LSAMP: variants seen among roughly 807,000 people sequenced by gnomAD.
LSAMP encodes limbic system-associated membrane protein.
In LSAMP, 7 loss-of-function variants were observed where a neutral mutation model predicts 38.6. That is an observed-to-expected ratio of 0.18 (90% CI 0.10 to 0.34). LSAMP has a LOEUF of 0.34. Among genes scored for constraint, LSAMP ranks in the 10% least tolerant of loss-of-function variants. The pLI, the probability that LSAMP is intolerant of heterozygous loss-of-function variation, is 1.00. For synonymous variants in LSAMP, 154 were observed against 166.8 expected (o/e 0.92, Z 0.59); for missense variants, 313 against 420.0 (o/e 0.75, Z 2.23).
intron 1 of LSAMP, among the ~76,000 whole-genome samples, chr3:116,105,409 A>G (rs185432003): frequency 2.4e-4 from 36 of 152,282 alleles, no homozygotes; most frequent in Non-Finnish European, 2.6e-4. Context: ...TGTGAGCAAC[A>G]TGGCTGTTTA....
chr3:115,926,769 C>T (rs999115255), intron 3 of LSAMP, among the ~76,000 whole-genome samples: 1 of 152,178 alleles, frequency 6.6e-6, no homozygotes, highest in Non-Finnish European at 1.5e-5. Context: ...CTGTCAAGAA[C>T]ATTATTCCCC....
At chr3:116,301,440 A>T (rs1466301828) in intron 1 of LSAMP, among the ~76,000 whole-genome samples, 1 of 152,354 alleles carries the variant, frequency 6.6e-6, no homozygotes, top group Non-Finnish European at 1.5e-5. Flanking sequence ...TAGAACACTT[A>T]TAATCAAGGA....
At chr3:116,138,177 T>C (rs1405033661) in intron 1 of LSAMP, among the ~76,000 whole-genome samples, 2 of 152,090 alleles carry the variant, frequency 1.3e-5, no homozygotes, top group African/African-American at 4.8e-5. Context: ...AATCAAATTA[T>C]TCCAACAGGG....
intron 6 of LSAMP, among the ~76,000 whole-genome samples, chr3:115,836,245 C>T (rs1934781954): frequency 1.3e-5 from 2 of 152,132 alleles, no homozygotes; most frequent in African/African-American, 4.8e-5. Context: ...TATCACGCCC[C>T]ATTAGTTATT....
At chr3:116,183,667 C>G (rs1710543024) in intron 1 of LSAMP, among the ~76,000 whole-genome samples, 1 of 151,582 alleles carries the variant, frequency 6.6e-6, no homozygotes, top group African/African-American at 2.4e-5. Flanking sequence ...ATGACAGTTG[C>G]CCATTTAGTA....
chr3:116,268,617 C>T (rs1005529856), intron 1 of LSAMP, among the ~76,000 whole-genome samples: 5 of 152,040 alleles, frequency 3.3e-5, no homozygotes, highest in African/African-American at 9.6e-5. Context: ...AGAGTCTCTC[C>T]CCCTTTGGTT....
At chr3:116,396,637 T>C (rs921598120) in intron 1 of LSAMP, among the ~76,000 whole-genome samples, 1 of 152,232 alleles carries the variant, frequency 6.6e-6, no homozygotes, top group Admixed American at 6.5e-5. Context: ...TATATTTCTA[T>C]AGGATCTAGC....
chr3:116,138,953 A>G (rs1709313108), intron 1 of LSAMP, among the ~76,000 whole-genome samples: 1 of 151,836 alleles, frequency 6.6e-6, no homozygotes, highest in South Asian at 2.1e-4. Flanking sequence ...TGATCATAAT[A>G]GTGATCCAGA....
intron 1 of LSAMP, among the ~76,000 whole-genome samples, chr3:116,190,446 T>TA (rs1245331446): frequency 6.6e-6 from 1 of 152,124 alleles, no homozygotes; most frequent in African/African-American, 2.4e-5. Flanking sequence ...ACTTTTTTTT[T>TA]TTATTATTAT....
intron 3 of LSAMP, among the ~76,000 whole-genome samples, chr3:115,920,788 G>A (rs887383163): frequency 6.6e-6 from 1 of 151,990 alleles, no homozygotes; most frequent in Admixed American, 6.6e-5. Flanking sequence ...TTTAAGTGGA[G>A]TATTGAAATG....
rs113003140 is a variant in LSAMP, at chr3:116,283,707, A to G, written c.155+161170T>C. ...AACCCTATGAATCTTGTGTTTTGTAAGAGCCAGATGGAGGTTGTGACGGTA... is the reference window on the plus strand; with the variant it reads ...AACCCTATGAATCTTGTGTTTTGTAGGAGCCAGATGGAGGTTGTGACGGTA... On this transcript the variant is annotated intron_variant, in intron 1 of 6. Transcript: ENST00000490035. Among the ~76,000 whole-genome samples the G allele has an allele frequency of 3.7e-3, 563 of 152,330 alleles. 6 individuals carry two copies. The highest frequency in any genetic ancestry group is 0.013 in the African/African-American group (547 of 41,566).
chr3:116,321,330 AC>A (rs1319979086), intron 1 of LSAMP, among the ~76,000 whole-genome samples: 2 of 152,132 alleles, frequency 1.3e-5, no homozygotes, highest in Admixed American at 6.6e-5. Flanking sequence ...TCATGATCTT[AC>A]CACTGCACTC....
chr3:116,225,826 TATG>T (rs1017968658), intron 1 of LSAMP, among the ~76,000 whole-genome samples: 3 of 152,082 alleles, frequency 2.0e-5, no homozygotes, highest in Non-Finnish European at 2.9e-5. Flanking sequence ...ACTCTTATAT[TATG>T]ATGTTTGGTT....
At chr3:115,965,159 G>A (rs4831213) in intron 3 of LSAMP, among the ~76,000 whole-genome samples, 61,118 of 151,668 alleles carry the variant, frequency 0.4, 12,719 homozygotes, top group African/African-American at 0.51. Context: ...GTATATATTT[G>A]ATATATACAA....
At chr3:115,932,194 T>C (rs1937590900) in intron 3 of LSAMP, among the ~76,000 whole-genome samples, 1 of 152,152 alleles carries the variant, frequency 6.6e-6, no homozygotes, top group African/African-American at 2.4e-5. Flanking sequence ...CAAGAACTTA[T>C]AAGAAAGATA....
intron 1 of LSAMP, among the ~76,000 whole-genome samples, chr3:116,132,016 C>T (rs567586834): frequency 9.2e-5 from 14 of 151,808 alleles, no homozygotes; most frequent in African/African-American, 2.7e-4. Flanking sequence ...TTAGTAGAGA[C>T]GGGGTTTTGC....
At chr3:115,839,536 T>C (rs1934928683) in intron 6 of LSAMP, among the ~76,000 whole-genome samples, 1 of 152,144 alleles carries the variant, frequency 6.6e-6, no homozygotes, top group Non-Finnish European at 1.5e-5. Context: ...ATCTAAGAAA[T>C]AGTGCAATAG....
intron 1 of LSAMP, among the ~76,000 whole-genome samples, chr3:116,118,332 AT>A (rs1708799524): frequency 6.6e-6 from 1 of 152,004 alleles, no homozygotes; most frequent in Non-Finnish European, 1.5e-5. Flanking sequence ...TTCCAGTAGT[AT>A]TTGGTGCTGT....
intron 1 of LSAMP, among the ~76,000 whole-genome samples, chr3:116,355,844 T>G (rs192851652): frequency 1.3e-5 from 2 of 152,248 alleles, no homozygotes; most frequent in Non-Finnish European, 2.9e-5. Flanking sequence ...TCATTAATCA[T>G]AAGGAAAAAT....
Sources: gnomAD v4.1 joint callset for allele counts (sites outside exome capture counted in the v4.1 genomes callset) on GRCh38, gnomAD v4.1.1 for gene constraint, MANE v1.5 for transcripts, NCBI Gene and HGNC (gene_info 2026-07-23, HGNC 2026-07-21) for gene names.